The following TPTE variants were observed in gnomAD, a reference collection of about 807,000 sequenced individuals.
TPTE encodes the protein transmembrane phosphatase with tensin homology.
In TPTE, 59 loss-of-function variants were observed where a neutral mutation model predicts 84.1. The observed-to-expected ratio is 0.70, with a 90% CI of 0.57 to 0.87. The LOEUF is 0.87. TPTE is among the 40% of genes least tolerant of loss of function. The pLI, the probability that TPTE is intolerant of heterozygous loss-of-function variation, is 0.00. For synonymous variants in TPTE, 130 were observed against 223.5 expected, an observed-to-expected ratio of 0.58 and a Z score of 3.73; for missense variants, 382 against 659.6, an observed-to-expected ratio of 0.58 and a Z score of 4.61.
chr21:10,567,336 T>A (rs1386918338), intron 10 of TPTE, among the ~76,000 whole-genome samples: 1 of 152,298 alleles, frequency 6.6e-6, no homozygotes, highest in East Asian at 1.9e-4. Context: ...TTGGATTGTT[T>A]GTAACATGAA....
intron 3 of TPTE, among the ~76,000 whole-genome samples, chr21:10,529,941 C>T (rs1306582529): frequency 1.4e-4 from 21 of 152,406 alleles, no homozygotes; most frequent in African/African-American, 5.0e-4. Flanking sequence ...AGTAGTTTTT[C>T]TGTGTTTAAT....
chr21:10,539,184 G>A (rs2074322146), intron 4 of TPTE, among the ~76,000 whole-genome samples: 1 of 152,308 alleles, frequency 6.6e-6, no homozygotes, highest in East Asian at 1.9e-4. Flanking sequence ...CAGAAAGGAG[G>A]AGAAAATCCT....
intron 3 of TPTE, among the ~76,000 whole-genome samples, chr21:10,536,991 C>T (rs1167148038): frequency 2.0e-5 from 3 of 152,302 alleles, no homozygotes; most frequent in Admixed American, 2.0e-4. Context: ...GCTCTACCAC[C>T]ATGTGAGGCT....
intron 11 of TPTE, among the ~76,000 whole-genome samples, chr21:10,568,579 T>C (rs1287894017): frequency 6.6e-6 from 1 of 152,312 alleles, no homozygotes; most frequent in Non-Finnish European, 1.5e-5. Flanking sequence ...TTTTGTACCC[T>C]AGCTTCCCTG....
At chr21:10,523,363 A>G (rs1270577789) in intron 1 of TPTE, among the ~76,000 whole-genome samples, 3 of 152,292 alleles carry the variant, frequency 2.0e-5, no homozygotes, top group Non-Finnish European at 4.4e-5. Context: ...GGTTAGTTAC[A>G]TATGTAAACG....
At chr21:10,555,019 G>T (rs1354413526) in intron 8 of TPTE, among the ~76,000 whole-genome samples, 2 of 152,306 alleles carry the variant, frequency 1.3e-5, no homozygotes, top group East Asian at 3.8e-4. Context: ...GTGTCCAGTG[G>T]GAGAGATAGC....
At chr21:10,588,106 C>G in intron 17 of TPTE, among the ~76,000 whole-genome samples, 1 of 152,308 alleles carries the variant, frequency 6.6e-6, no homozygotes, top group Non-Finnish European at 1.5e-5. Context: ...GCCTTGGCCT[C>G]CCAAAGTGCT....
At chr21:10,601,775 C>A (rs1162606311) in intron 21 of TPTE, among the ~76,000 whole-genome samples, 1 of 152,428 alleles carries the variant, frequency 6.6e-6, no homozygotes, top group Non-Finnish European at 1.5e-5. Context: ...ATCACTTGAA[C>A]CTGGGAGGCA....
chr21:10,535,764 C>G (rs2074255699), intron 3 of TPTE, among the ~76,000 whole-genome samples: 1 of 152,310 alleles, frequency 6.6e-6, no homozygotes, highest in Non-Finnish European at 1.5e-5. Context: ...TCCTCACCTT[C>G]TAGCGTTCTA....
chr21:10,533,017 TATC>T (rs1368829091), intron 3 of TPTE, among the ~76,000 whole-genome samples: 1 of 152,302 alleles, frequency 6.6e-6, no homozygotes, highest in Admixed American at 6.5e-5. Context: ...TTGGGAAATT[TATC>T]ATCATAAATT....
chr21:10,604,007 A>G (rs1319621114), intron 23 of TPTE, among the ~76,000 whole-genome samples: 8 of 152,266 alleles, frequency 5.3e-5, no homozygotes, highest in Non-Finnish European at 1.0e-4. Context: ...ACCACCATCA[A>G]CTTTTGTGCT....
At chr21:10,547,046 C>T (rs528941844) in intron 7 of TPTE, among the ~76,000 whole-genome samples, 328 of 152,268 alleles carry the variant, frequency 2.2e-3, no homozygotes, top group African/African-American at 7.3e-3. Flanking sequence ...GAGAAGTCAA[C>T]GCATGGTTTC....
intron 3 of TPTE, among the ~76,000 whole-genome samples, chr21:10,533,392 G>T (rs2074211939): frequency 6.6e-6 from 1 of 152,294 alleles, no homozygotes. Context: ...TTAAAATCTT[G>T]GTCAGTGTGT....
Position 10,605,661 on chromosome 21 carries a change from G to T in TPTE, c.*109G>T. The T allele has an allele frequency of 6.8e-7, 1 of 1,469,424 alleles. No individual in the cohort carries two copies. The highest frequency in any genetic ancestry group is 9.1e-7 in the Non-Finnish European group (1 of 1,098,488). 91.0% of individuals were successfully genotyped at this position (1,469,424 alleles called of 1,614,324 possible). A position where few individuals can be genotyped will look rare whatever the true frequency, so the allele number is the denominator to read the frequency against. ...AATGTTCCTTGAAGTATTTATTTATGTTTATATATGTTTATATATGTTCTT... is the reference window on the plus strand; with the variant it reads ...AATGTTCCTTGAAGTATTTATTTATTTTTATATATGTTTATATATGTTCTT... On this transcript the variant is annotated 3_prime_UTR_variant, in exon 24 of 24. Coordinates refer to ENST00000618007, the MANE Select transcript of TPTE (RefSeq NM_199261.4).
At chr21:10,565,285 A>T (rs1600911145) in intron 10 of TPTE, among the ~76,000 whole-genome samples, 1 of 152,428 alleles carries the variant, frequency 6.6e-6, no homozygotes, top group Admixed American at 6.5e-5. Context: ...AATACCTAGA[A>T]ATTAACCTAA....
chr21:10,589,207 T>G (rs2075419162), intron 17 of TPTE, among the ~76,000 whole-genome samples: 1 of 152,308 alleles, frequency 6.6e-6, no homozygotes, highest in Admixed American at 6.5e-5. Flanking sequence ...TCTTTCCCTT[T>G]CCCTTCTCCC....
intron 17 of TPTE, among the ~76,000 whole-genome samples, chr21:10,582,480 A>T (rs1200895760): frequency 6.6e-6 from 1 of 152,310 alleles, no homozygotes; most frequent in African/African-American, 2.4e-5. Context: ...AAGTGCCATA[A>T]TAAAACACTT....
chr21:10,571,524 A>G (rs566891905), intron 14 of TPTE, among the ~76,000 whole-genome samples: 2 of 152,426 alleles, frequency 1.3e-5, no homozygotes, highest in Non-Finnish European at 1.5e-5. Context: ...TAAAGAGTAT[A>G]TCAAATGGCT....
At chr21:10,605,337 C>G (rs1306297129) in intron 23 of TPTE, 80 bp from the exon 24 acceptor site, 2 of 1,520,622 alleles carry the variant, frequency 1.3e-6, no homozygotes, top group Non-Finnish European at 1.8e-6. Context: ...TTGTTTCTTC[C>G]AGCTCTAACG....
Sources: gnomAD v4.1 joint callset for allele counts (sites outside exome capture counted in the v4.1 genomes callset) on GRCh38, gnomAD v4.1.1 for gene constraint, MANE v1.5 for transcripts, NCBI Gene and HGNC (gene_info 2026-07-23, HGNC 2026-07-21) for gene names.